The following MKX variants were observed in gnomAD, a reference collection of about 807,000 sequenced individuals.
MKX encodes homeobox protein Mohawk.
A neutral mutation model predicts 36.0 loss-of-function variants in MKX; 13 were observed. The ratio of observed to expected loss-of-function variants is 0.36; its 90% CI spans 0.24 to 0.57. The LOEUF is 0.57. Ranked by LOEUF, MKX falls within the 20% of genes least tolerant of loss-of-function variation. The pLI, the probability that MKX is intolerant of heterozygous loss-of-function variation, is 0.79. For synonymous variants in MKX, 176 were observed against 178.3 expected (o/e 0.99, Z 0.10); for missense variants, 458 against 456.4 (o/e 1.00, Z -0.03).
At position 27,719,835 on chromosome 10, in the gene MKX, A is replaced by T. The variant is rs11015969; in HGVS notation, c.838+14621T>A. Among the ~76,000 whole-genome samples the T allele has an allele frequency of 0.015, 2,354 of 152,138 alleles. 146 individuals carry two copies. The East Asian group carries it at 0.19, about 13-fold the overall frequency. ...CTCCCATCTCAACAAAAAAAATTTT[A>T]AAATTAGCTGGGCATGGTGGCACAT... On this transcript the variant is annotated intron_variant, in intron 5 of 6. Transcript: ENST00000419761.
chr10:27,698,865 T>C (rs1025024630), intron 5 of MKX, among the ~76,000 whole-genome samples: 35 of 152,156 alleles, frequency 2.3e-4, no homozygotes, highest in Non-Finnish European at 1.9e-4. Context: ...AAAAGAGGTA[T>C]GTAAATCAAT....
rs758858814 is a variant in MKX, at chr10:27,734,808, T to G, written c.503-17A>C. ...TTTCTCCATCTAAAGTGGAACAGTA[T>G]CACTAAGTAGGGTGGTATGCATACT... On this transcript the variant is annotated splice_polypyrimidine_tract_variant and intron_variant, in intron 4 of 6. Coordinates refer to ENST00000419761, the MANE Select transcript of MKX (RefSeq NM_173576.3). 6.9e-6 allele frequency: 11 copies of G among 1,586,614 alleles called. No individual in the cohort carries two copies. The African/African-American group carries it at 1.5e-4, about 21-fold the overall frequency.
chr10:27,737,225 T>C (rs1428107933), intron 3 of MKX, among the ~76,000 whole-genome samples: 3 of 152,192 alleles, frequency 2.0e-5, no homozygotes, highest in Non-Finnish European at 4.4e-5. Flanking sequence ...TTCATCCGAC[T>C]ACTTTATCCA....
At position 27,734,590 on chromosome 10, in the gene MKX, A is replaced by G; in HGVS notation, c.704T>C (p.Met235Thr). 6.2e-7 allele frequency: 1 copy of G among 1,614,146 alleles called. No homozygotes were observed. Among genetic ancestry groups the G allele is most frequent in the Non-Finnish European group, 8.5e-7 (1 of 1,180,022 alleles). ...TCCCATCATGGTAGTGTTCGTGGCC[A>G]TGACATGTCTCAAAGAGTCATTAAG... ...RYLNDSLRHV[M>T]ATNTTMMGKT... is the part of the protein sequence containing the mutation. Residue 235 changes from methionine to threonine, a missense_variant, in exon 5 of 7, where the codon ATG (methionine) becomes ACG (threonine). Physicochemically the swap from Met to Thr is moderately conservative, Grantham distance 81. This residue lies in a region of MKX where 297 missense variants were observed against 304.4 expected (regional missense o/e 0.98). Coordinates refer to ENST00000419761, the MANE Select transcript of MKX (RefSeq NM_173576.3).
intron 1 of MKX, chr10:27,745,319 G>T (rs571773686): frequency 3.3e-4 from 50 of 152,460 alleles, no homozygotes; most frequent in African/African-American, 1.1e-3. Flanking sequence ...AGGTCCGAGC[G>T]CTGTCCTGTC....
chr10:27,692,721 G>C (rs1304030427), intron 5 of MKX, among the ~76,000 whole-genome samples: 2 of 152,154 alleles, frequency 1.3e-5, no homozygotes, highest in African/African-American at 4.8e-5. Flanking sequence ...AGTGAACTTA[G>C]TTTCTGCTGC....
intron 5 of MKX, among the ~76,000 whole-genome samples, chr10:27,732,303 G>C (rs938853508): frequency 6.6e-6 from 1 of 152,064 alleles, no homozygotes; most frequent in Admixed American, 6.6e-5. Context: ...GAATTGGATT[G>C]ACTAAAAATC....
Position 27,735,249 on chromosome 10 carries a change from G to T in MKX, c.474C>A (p.Ser158Arg). 6.2e-7 allele frequency: 1 copy of T among 1,609,096 alleles called. No individual in the cohort carries two copies. The highest frequency in any genetic ancestry group is 8.5e-7 in the Non-Finnish European group (1 of 1,178,070). The change falls in exon 4 of 7, where the codon AGC becomes AGA. Residue 158 changes from serine to arginine, a missense_variant. Transcript: ENST00000419761. ...CAGAACATGAGTCATCACTGCTTAC[G>T]CTAAGCCGTTCAGCATTGCCTTGAA... ...KYVQGNAERL[S>R]VSSDDSCSED...
intron 5 of MKX, among the ~76,000 whole-genome samples, chr10:27,691,236 G>T (rs1408988315): frequency 6.6e-6 from 1 of 152,144 alleles, no homozygotes; most frequent in Non-Finnish European, 1.5e-5. Flanking sequence ...CTTCAAAGGG[G>T]AAGGTTCCTG....
chr10:27,726,586 A>G (rs1172363191), intron 5 of MKX, among the ~76,000 whole-genome samples: 2 of 151,062 alleles, frequency 1.3e-5, no homozygotes, highest in African/African-American at 4.9e-5. Context: ...AAATTTTTCC[A>G]TTTTTCATCC....
In MKX at chr10:27,675,311, C is replaced by T. The variant is rs1469647141; in HGVS notation, c.977G>A (p.Gly326Glu). Residue 326 changes from glycine to glutamate, a missense_variant, in exon 7 of 7, where the codon GGA becomes GAA. Transcript: ENST00000419761. ...NLAQGKDKLQ[G>E]TTSCIIQKSS... is the part of the protein sequence containing the mutation. ...CTTCTGGATGATGCAGCTGGTAGTTCCCTGCAGTTTGTCCTTTCCCTGTGC... is the reference window on the plus strand; with the variant it reads ...CTTCTGGATGATGCAGCTGGTAGTTTCCTGCAGTTTGTCCTTTCCCTGTGC... 1 of 1,614,174 alleles carries T rather than the reference C, an allele frequency of 6.2e-7. No homozygotes were observed. The highest frequency in any genetic ancestry group is 1.3e-5 in the African/African-American group (1 of 75,048).
chr10:27,675,915 G>A (rs1287750943), intron 5 of MKX, among the ~76,000 whole-genome samples: 1 of 152,170 alleles, frequency 6.6e-6, no homozygotes, highest in Non-Finnish European at 1.5e-5. Flanking sequence ...CACTTGCAGT[G>A]TAACCTGGGG....
intron 5 of MKX, among the ~76,000 whole-genome samples, chr10:27,681,113 C>T (rs1171576529): frequency 6.6e-6 from 1 of 152,168 alleles, no homozygotes; most frequent in African/African-American, 2.4e-5. Flanking sequence ...TGTGGTCATG[C>T]CACACATTGC....
At chr10:27,678,913 A>G (rs1302325883) in intron 5 of MKX, among the ~76,000 whole-genome samples, 1 of 152,184 alleles carries the variant, frequency 6.6e-6, no homozygotes, top group African/African-American at 2.4e-5. Flanking sequence ...AATACCTTTG[A>G]AGTGCAAAAA....
rs767979947 is a variant in MKX at position 27,741,500 on chromosome 10, G to C, written c.193C>G (p.Arg65Gly). Residue 65 changes from arginine (R) to glycine (G), a missense_variant, in exon 3 of 7, where the codon CGG becomes GGG. Transcript: ENST00000419761. The surrounding 1 kb of genome is among the most constrained non-coding windows in gnomAD (Gnocchi z 5.1). ...LGLRHRRTGA[R>G]QNGGKVRHKR... The stretch of plus-strand genomic sequence containing the variant: ...TGCCTCACCTTCCCGCCATTCTGCC[G>C]GGCGCTGGGACATGGGGAGAGGAGG... The C allele has an allele frequency of 1.0e-5, 16 of 1,591,534 alleles. No individual in the cohort carries two copies. Among genetic ancestry groups the C allele is most frequent in the Non-Finnish European group, 1.3e-5 (15 of 1,171,548 alleles).
At chr10:27,690,402 C>A (rs1218699427) in intron 5 of MKX, among the ~76,000 whole-genome samples, 1 of 76,896 alleles carries the variant, frequency 1.3e-5, no homozygotes, top group African/African-American at 5.0e-5. Flanking sequence ...AAAACAAAAA[C>A]CTAACAAGTT....
At chr10:27,715,466 T>A (rs904494527) in intron 5 of MKX, among the ~76,000 whole-genome samples, 3 of 152,202 alleles carry the variant, frequency 2.0e-5, no homozygotes, top group South Asian at 4.1e-4. Flanking sequence ...ACGTGGCTGA[T>A]CCTAATCTTC....
Position 27,744,661 on chromosome 10 carries a change from C to T in MKX, c.-83+1046G>A, listed in dbSNP as rs941774433. 1 of 153,056 alleles carries T rather than the reference C, an allele frequency of 6.5e-6. No homozygotes were observed. The highest frequency in any genetic ancestry group is 6.5e-5 in the Admixed American group (1 of 15,282). 9.5% of individuals were successfully genotyped at this position (153,056 alleles called of 1,614,324 possible). A position where few individuals can be genotyped will look rare whatever the true frequency, so the allele number is the denominator to read the frequency against. On this transcript the variant is annotated intron_variant, in intron 1 of 6. Transcript: ENST00000419761. This position sits in a 1 kb window ranked among gnomAD's most constrained non-coding sequence, Gnocchi z 5.6. ...CTTCGCTGCCAGCGCCCCCTTTGCCCGTCCAGCCGCGGCATGGGCTGCTAC... is the reference window on the plus strand; with the variant it reads ...CTTCGCTGCCAGCGCCCCCTTTGCCTGTCCAGCCGCGGCATGGGCTGCTAC...
intron 5 of MKX, among the ~76,000 whole-genome samples, chr10:27,677,739 C>T (rs1836180329): frequency 6.6e-6 from 1 of 152,194 alleles, no homozygotes; most frequent in South Asian, 2.1e-4. Context: ...TTGTGAAGAA[C>T]ACATGAGATC....
Sources: allele counts gnomAD v4.1 joint callset (sites outside exome capture counted in the v4.1 genomes callset), GRCh38; gene constraint gnomAD v4.1.1; regional missense constraint gnomAD v4.1.1; non-coding constraint Gnocchi (gnomAD v3.1); transcripts MANE v1.5; gene names NCBI Gene and HGNC (gene_info 2026-07-23, HGNC 2026-07-21).